The following LRP1B variants were observed in gnomAD, a reference collection of about 807,000 sequenced individuals.
LRP1B encodes LDL receptor related protein 1B, also known as low-density lipoprotein receptor-related protein 1B.
Under a neutral mutation model 556.6 loss-of-function variants are expected in LRP1B, and 217 were observed. The ratio of observed to expected loss-of-function variants is 0.39; its 90% CI spans 0.35 to 0.44. The LOEUF is 0.44. Among genes scored for constraint, LRP1B ranks in the 20% least tolerant of loss-of-function variants. The pLI is 1.00. For missense variants in LRP1B, 5,053 were observed against 5,620.8 expected (o/e 0.90, Z 3.23); for synonymous variants, 2,047 against 1,865.8 (o/e 1.10, Z -2.50).
At chr2:141,287,205 T>C (rs1328401806) in intron 3 of LRP1B, among the ~76,000 whole-genome samples, 1 of 152,206 alleles carries the variant, frequency 6.6e-6, no homozygotes, top group Non-Finnish European at 1.5e-5. Flanking sequence ...TCTGTTGTTA[T>C]GTTCATTATT....
At chr2:141,277,972 T>C (rs1685366511) in intron 3 of LRP1B, among the ~76,000 whole-genome samples, 1 of 152,142 alleles carries the variant, frequency 6.6e-6, no homozygotes, top group African/African-American at 2.4e-5. Flanking sequence ...GTAAGAATAA[T>C]AATATCCATA....
chr2:141,897,741 G>GT (rs964037828), intron 1 of LRP1B, among the ~76,000 whole-genome samples: 1 of 152,068 alleles, frequency 6.6e-6, no homozygotes, highest in African/African-American at 2.4e-5. Flanking sequence ...AAAATACTCA[G>GT]TTTTTTTAGC....
At chr2:141,183,302 A>G (rs953214) in intron 7 of LRP1B, among the ~76,000 whole-genome samples, 1,540 of 152,174 alleles carry the variant, frequency 0.01, 13 homozygotes, top group Non-Finnish European at 0.016. Flanking sequence ...TTACGTGTGT[A>G]GGCAAACCCG....
At position 140,841,971 on chromosome 2, in the gene LRP1B, G is replaced by T. The variant is rs142509161; in HGVS notation, c.4940-879C>A. ...CTTTAAAAAATTTTAGTATTTTCTA[G>T]CATTCTGTACTTATAGAGTTCTCTA... On this transcript the variant is annotated intron_variant, in intron 29 of 90. Transcript: ENST00000389484. 4.6e-3 allele frequency among the ~76,000 whole-genome samples: 699 copies of T among 152,148 alleles called. 8 individuals are homozygous for T. The highest frequency in any genetic ancestry group is 0.016 in the African/African-American group (661 of 41,522).
intron 3 of LRP1B, among the ~76,000 whole-genome samples, chr2:141,452,738 G>A (rs887145212): frequency 3.9e-5 from 6 of 152,250 alleles, no homozygotes; most frequent in African/African-American, 7.2e-5. Flanking sequence ...GTCACCCCTG[G>A]ATGATAAACC....
At chr2:140,712,396 G>A (rs1190383322) in intron 37 of LRP1B, among the ~76,000 whole-genome samples, 1 of 151,904 alleles carries the variant, frequency 6.6e-6, no homozygotes, top group Non-Finnish European at 1.5e-5. Context: ...ATCTCTTTCT[G>A]GGATACCTAA....
Position 141,096,629 on chromosome 2 carries a change from G to GAGAGAGAGAGAGAGAGAGAGA in LRP1B, c.1014-34357_1014-34356insTCTCTCTCTCTCTCTCTCTCT, listed in dbSNP as rs1558858138. Among the ~76,000 whole-genome samples the GAGAGAGAGAGAGAGAGAGAGA allele has an allele frequency of 5.0e-4, 30 of 59,742 alleles. 3 individuals are homozygous for GAGAGAGAGAGAGAGAGAGAGA. Among genetic ancestry groups the GAGAGAGAGAGAGAGAGAGAGA allele is most frequent in the Admixed American group, 8.6e-4 (4 of 4,676 alleles). The allele number at this position is 59,742 out of a possible 152,430, so 39.2% of individuals were successfully genotyped here. The stretch of plus-strand genomic sequence containing the variant: ...CTGAATGACAAAGACGGGGAGAGGG[G>GAGAGAGAGAGAGAGAGAGAGA]GAGAGAGAGAGAGAGAGAGAGAGAG... On this transcript the variant is annotated intron_variant, in intron 7 of 90. Transcript: ENST00000389484.
At chr2:141,220,129 T>C (rs1682975055) in intron 6 of LRP1B, among the ~76,000 whole-genome samples, 1 of 152,126 alleles carries the variant, frequency 6.6e-6, no homozygotes. Context: ...ATAATGAACT[T>C]CGCTGAGCTA....
chr2:141,036,402 CA>C (rs894198210), intron 11 of LRP1B, among the ~76,000 whole-genome samples: 1 of 151,960 alleles, frequency 6.6e-6, no homozygotes, highest in African/African-American at 2.4e-5. Flanking sequence ...GAGTGTCTCA[CA>C]AACATGAAAC....
At chr2:140,768,559 C>T (rs1008541130) in intron 35 of LRP1B, among the ~76,000 whole-genome samples, 9 of 151,800 alleles carry the variant, frequency 5.9e-5, no homozygotes, top group African/African-American at 2.2e-4. Flanking sequence ...TAGCAATTAG[C>T]GCCAAAAAAC....
At chr2:142,044,486 C>T (rs919167152) in intron 1 of LRP1B, among the ~76,000 whole-genome samples, 3 of 151,760 alleles carry the variant, frequency 2.0e-5, no homozygotes, top group Non-Finnish European at 4.4e-5. Context: ...GATGAGCGCA[C>T]AGTAGGCATC....
intron 18 of LRP1B, among the ~76,000 whole-genome samples, chr2:140,981,746 TC>T (rs1462109470): frequency 6.6e-6 from 1 of 152,142 alleles, no homozygotes; most frequent in Non-Finnish European, 1.5e-5. Context: ...CATTTATTCT[TC>T]CCAGAAGATA....
At chr2:141,314,177 G>T (rs1686912145) in intron 3 of LRP1B, among the ~76,000 whole-genome samples, 2 of 152,122 alleles carry the variant, frequency 1.3e-5, no homozygotes, top group Admixed American at 1.3e-4. Flanking sequence ...TGCCTCGTCA[G>T]CAAATTAGGG....
rs1687110316 is a variant in LRP1B at position 140,456,443 on chromosome 2, A to T, written c.9963+12T>A. ...ATACACTCTATAATAAGATTCCCAG[A>T]CCTCCACTCACCTGGCTGGCTGTGC... On this transcript the variant is annotated intron_variant, in intron 62 of 90. Transcript: ENST00000389484. 2 of 1,610,300 alleles carry T rather than the reference A, an allele frequency of 1.2e-6. No homozygotes were observed. Among genetic ancestry groups the T allele is most frequent in the Non-Finnish European group, 8.5e-7 (1 of 1,178,250 alleles).
chr2:140,507,557 G>T (rs746894325), intron 52 of LRP1B, among the ~76,000 whole-genome samples: 2 of 152,076 alleles, frequency 1.3e-5, no homozygotes, highest in South Asian at 4.1e-4. Flanking sequence ...ATCCATGAAA[G>T]CAATGTTCCA....
At chr2:141,227,034 C>T (rs561488511) in intron 6 of LRP1B, among the ~76,000 whole-genome samples, 3 of 151,196 alleles carry the variant, frequency 2.0e-5, no homozygotes, top group Non-Finnish European at 4.4e-5. Context: ...AGTGAATTCC[C>T]TAACAACAAC....
intron 3 of LRP1B, among the ~76,000 whole-genome samples, chr2:141,350,391 C>G (rs939496629): frequency 1.3e-5 from 2 of 151,974 alleles, no homozygotes; most frequent in African/African-American, 2.4e-5. Flanking sequence ...TAACTAGGAA[C>G]CAGAAAGTTT....
chr2:142,129,584 T>TCTCTCTCTCTCTCTCTC (rs1707775509), intron 1 of LRP1B, among the ~76,000 whole-genome samples: 1 of 134,734 alleles, frequency 7.4e-6, no homozygotes, highest in African/African-American at 2.8e-5. Flanking sequence ...CTTTCTCTCT[T>TCTCTCTCTCTCTCTCTC]TCTCTCTCTC....
At chr2:141,243,809 T>C (rs571424939) in intron 5 of LRP1B, among the ~76,000 whole-genome samples, 1 of 152,220 alleles carries the variant, frequency 6.6e-6, no homozygotes, top group South Asian at 2.1e-4. Flanking sequence ...AGGAGAAAAT[T>C]TGTCTGCATT....
Sources: allele counts gnomAD v4.1 joint callset (sites outside exome capture counted in the v4.1 genomes callset), GRCh38; gene constraint gnomAD v4.1.1; transcripts MANE v1.5; gene names NCBI Gene and HGNC (gene_info 2026-07-23, HGNC 2026-07-21).